SEMA7A: variants seen among roughly 807,000 people sequenced by gnomAD.
SEMA7A encodes semaphorin-7A.
Under a neutral mutation model 67.5 loss-of-function variants are expected in SEMA7A, and 21 were observed. The ratio of observed to expected loss-of-function variants is 0.31; its 90% CI spans 0.22 to 0.45. The LOEUF (loss-of-function observed/expected upper bound fraction) is 0.45. Ranked by LOEUF, SEMA7A falls within the 20% of genes least tolerant of loss-of-function variation. SEMA7A has a pLI of 1.00. For synonymous variants in SEMA7A, 364 were observed against 368.5 expected (o/e 0.99, Z 0.14); for missense variants, 774 against 908.6 (o/e 0.85, Z 1.90).
chr15:74,431,742 T>A (rs1567080536), intron 1 of SEMA7A, among the ~76,000 whole-genome samples: 2 of 152,226 alleles, frequency 1.3e-5, no homozygotes, highest in Non-Finnish European at 2.9e-5. Flanking sequence ...GGGCACACCA[T>A]CACCAGCTGG....
intron 10 of SEMA7A, 65 bp from the exon 11 acceptor site, chr15:74,412,077 T>C: frequency 1.3e-6 from 2 of 1,596,288 alleles, no homozygotes; most frequent in South Asian, 1.1e-5. Flanking sequence ...AGCTTTCCTC[T>C]AGGCCGGGGA....
At chr15:74,415,733 C>T in intron 8 of SEMA7A, 68 bp downstream of exon 8, 2 of 1,474,754 alleles carry the variant, frequency 1.4e-6, no homozygotes, top group Non-Finnish European at 1.8e-6. Context: ...CAGCAGGGCC[C>T]AAGGCCTCCT....
intron 8 of SEMA7A, 60 bp downstream of exon 8, chr15:74,415,741 C>T: frequency 6.6e-7 from 1 of 1,508,326 alleles, no homozygotes; most frequent in East Asian, 2.4e-5. Flanking sequence ...CCCAAGGCCT[C>T]CTGTCCCTAC....
At chr15:74,412,708 G>A (rs933364432) in intron 10 of SEMA7A, among the ~76,000 whole-genome samples, 5 of 152,094 alleles carry the variant, frequency 3.3e-5, no homozygotes, top group Non-Finnish European at 7.4e-5. Flanking sequence ...TGACATTGGT[G>A]CATTACTATT....
intron 1 of SEMA7A, among the ~76,000 whole-genome samples, chr15:74,424,878 C>T (rs890422960): frequency 3.9e-5 from 6 of 152,242 alleles, no homozygotes; most frequent in African/African-American, 7.2e-5. Context: ...GGGCCGAAGT[C>T]GCTGGTGGCT....
intron 3 of SEMA7A, 145 bp downstream of exon 3, chr15:74,418,123 C>A (rs147349163): frequency 7.0e-6 from 8 of 1,139,034 alleles, no homozygotes; most frequent in Non-Finnish European, 1.0e-5. Flanking sequence ...GTGCAGCTGA[C>A]GCCATCCCCT....
intron 1 of SEMA7A, among the ~76,000 whole-genome samples, chr15:74,422,322 C>T (rs535219109): frequency 2.6e-5 from 4 of 151,898 alleles, no homozygotes; most frequent in African/African-American, 9.7e-5. Flanking sequence ...CGTGTCCCCC[C>T]CTCACTCCCC....
chr15:74,424,780 G>A (rs1196472387), intron 1 of SEMA7A, among the ~76,000 whole-genome samples: 1 of 152,198 alleles, frequency 6.6e-6, no homozygotes, highest in Non-Finnish European at 1.5e-5. Context: ...CCCACGCCCA[G>A]GGAAGGCCGG....
intron 1 of SEMA7A, among the ~76,000 whole-genome samples, chr15:74,419,935 G>C (rs1245981054): frequency 6.6e-6 from 1 of 152,218 alleles, no homozygotes; most frequent in Non-Finnish European, 1.5e-5. Flanking sequence ...GGTTGCAGGA[G>C]TAAATTATAG....
intron 2 of SEMA7A, 50 bp from the exon 3 acceptor site, chr15:74,418,359 C>G: frequency 6.3e-7 from 1 of 1,579,212 alleles, no homozygotes; most frequent in South Asian, 1.1e-5. Context: ...GTGAGGTACC[C>G]CTGAAATGCT....
rs1178841382 is a variant in SEMA7A at position 74,411,603 on chromosome 15, G to A, written c.1530C>T (p.Tyr510=). 2 of 1,602,118 alleles carry A rather than the reference G, an allele frequency of 1.2e-6. No individual in the cohort carries two copies. The highest frequency in any genetic ancestry group is 8.5e-7 in the Non-Finnish European group (1 of 1,173,794). Residue 510 remains tyrosine, a synonymous_variant, in exon 12 of 14, where the codon TAC becomes TAT. Transcript: ENST00000261918. The surrounding 1 kb of genome is among the most constrained non-coding windows in gnomAD (Gnocchi z 4.4). The part of the protein sequence containing the change: ...CHGCLMSRDP[Y]CGWDQGRCIS... Reference sequence around the variant, plus strand: ...TGCAGCGGCCTTGGTCCCAGCCGCAGTAGGGGTCTCGGGACATGAGGCAAC... The same window carrying A: ...TGCAGCGGCCTTGGTCCCAGCCGCAATAGGGGTCTCGGGACATGAGGCAAC...
chr15:74,426,726 T>C (rs961450574), intron 1 of SEMA7A, among the ~76,000 whole-genome samples: 1 of 151,866 alleles, frequency 6.6e-6, no homozygotes, highest in African/African-American at 2.4e-5. Context: ...CAGAGAGCTA[T>C]GAATGCACCA....
intron 1 of SEMA7A, among the ~76,000 whole-genome samples, chr15:74,422,188 C>G (rs1378830218): frequency 6.6e-6 from 1 of 152,066 alleles, no homozygotes. Flanking sequence ...ACCACTCTCC[C>G]CTGCTGCCTG....
intron 10 of SEMA7A, among the ~76,000 whole-genome samples, chr15:74,413,254 C>T (rs1411780373): frequency 6.6e-6 from 1 of 152,250 alleles, no homozygotes; most frequent in South Asian, 2.1e-4. Flanking sequence ...ATACCCTTGG[C>T]AAAATTCTCA....
chr15:74,410,875 C>G lies in SEMA7A; in HGVS notation c.1750G>C (p.Glu584Gln), dbSNP rs767815368. 1.2e-6 allele frequency: 2 copies of G among 1,614,200 alleles called. No homozygotes were observed. The highest frequency in any genetic ancestry group is 1.7e-6 in the Non-Finnish European group (2 of 1,180,034). Residue 584 changes from glutamate (E) to glutamine (Q), a missense_variant, in exon 14 of 14, where the codon GAG (glutamate) becomes CAG (glutamine). By Grantham distance (29) the Glu-to-Gln change is conservative. Coordinates refer to ENST00000261918, the MANE Select transcript of SEMA7A (RefSeq NM_003612.5). This position sits in a 1 kb window ranked among gnomAD's most constrained non-coding sequence, Gnocchi z 7.5. ...TYSWRHKENVEQSCEPGHQSP... is the reference protein window; with the variant it reads ...TYSWRHKENVQQSCEPGHQSP... Reference sequence around the variant, plus strand: ...TGGTGACCAGGTTCGCAGCTCTGCTCCACGTTCTCCTTGTGGCGCCATGAG... The same window carrying G: ...TGGTGACCAGGTTCGCAGCTCTGCTGCACGTTCTCCTTGTGGCGCCATGAG...
intron 1 of SEMA7A, among the ~76,000 whole-genome samples, chr15:74,431,411 G>C (rs1221318259): frequency 2.6e-5 from 4 of 152,190 alleles, no homozygotes; most frequent in African/African-American, 9.7e-5. Context: ...AGAGTTCCCT[G>C]CTTTAATCTT....
Position 74,414,965 on chromosome 15 carries a change from C to T in SEMA7A, c.987-19G>A, listed in dbSNP as rs889881618. The T allele has an allele frequency of 1.9e-6, 3 of 1,604,974 alleles. No homozygotes were observed. In the African/African-American group the frequency reaches 4.0e-5, roughly 21 times the overall value. ...GTAGTTCCTGCAGTGACATGGAGACCAGCTCAATGGGGGGCCCAGAACCCA... is the reference window on the plus strand; with the variant it reads ...GTAGTTCCTGCAGTGACATGGAGACTAGCTCAATGGGGGGCCCAGAACCCA... On this transcript the variant is annotated intron_variant, in intron 8 of 13. Transcript: ENST00000261918. This position sits in a 1 kb window ranked among gnomAD's most constrained non-coding sequence, Gnocchi z 4.1.
At chr15:74,418,195 T>C (rs1381792363) in intron 3 of SEMA7A, 73 bp downstream of exon 3, 1 of 1,479,286 alleles carries the variant, frequency 6.8e-7, no homozygotes, top group Non-Finnish European at 9.5e-7. Flanking sequence ...CATGCTTCCT[T>C]CCTTAGACCC....
At chr15:74,418,186 A>T in intron 3 of SEMA7A, 82 bp downstream of exon 3, 1 of 1,432,882 alleles carries the variant, frequency 7.0e-7, no homozygotes, top group Non-Finnish European at 9.8e-7. Context: ...GGGCAGGGCC[A>T]TGCTTCCTTC....
Sources: allele counts gnomAD v4.1 joint callset (sites outside exome capture counted in the v4.1 genomes callset), GRCh38; gene constraint gnomAD v4.1.1; non-coding constraint Gnocchi (gnomAD v3.1); transcripts MANE v1.5; gene names NCBI Gene and HGNC (gene_info 2026-07-23, HGNC 2026-07-21).